Variants in MCC observed in about 807,000 individuals in gnomAD.
The protein encoded by MCC is MCC regulator of Wnt signaling pathway.
A neutral mutation model predicts 116.2 loss-of-function variants in MCC; 90 were observed. That is an observed-to-expected ratio of 0.77 (90% CI 0.65 to 0.92). MCC has a LOEUF of 0.92. Ranked by LOEUF, MCC falls within the 40% of genes least tolerant of loss-of-function variation. The pLI, the probability that MCC is intolerant of heterozygous loss-of-function variation, is 0.00. For synonymous variants in MCC, 578 were observed against 510.5 expected, an observed-to-expected ratio of 1.13 and a Z score of -1.78; for missense variants, 1,516 against 1,312.2, an observed-to-expected ratio of 1.16 and a Z score of -2.40.
intron 1 of MCC, among the ~76,000 whole-genome samples, chr5:113,417,754 C>T (rs371511473): frequency 1.3e-5 from 2 of 152,140 alleles, no homozygotes; most frequent in African/African-American, 4.8e-5. Context: ...CATGGTGAAA[C>T]CCTGTCTCTA....
chr5:113,368,595 T>C (rs1361209494), intron 2 of MCC, among the ~76,000 whole-genome samples: 1 of 152,178 alleles, frequency 6.6e-6, no homozygotes, highest in Non-Finnish European at 1.5e-5. Context: ...TTTATCATTA[T>C]GATATTCTCC....
chr5:113,443,562 T>A (rs1307580180), intron 1 of MCC, among the ~76,000 whole-genome samples: 2 of 152,172 alleles, frequency 1.3e-5, no homozygotes, highest in Non-Finnish European at 2.9e-5. Context: ...GAGGGCATCC[T>A]TGTCTTATGC....
At chr5:113,278,390 C>G (rs1022920599) in intron 3 of MCC, among the ~76,000 whole-genome samples, 1 of 152,164 alleles carries the variant, frequency 6.6e-6, no homozygotes, top group Admixed American at 6.5e-5. Context: ...TGGTGAATAA[C>G]AGCCATTGTG....
chr5:113,134,863 G>A (rs907245751), intron 5 of MCC, among the ~76,000 whole-genome samples: 1 of 151,548 alleles, frequency 6.6e-6, no homozygotes, highest in African/African-American at 2.4e-5. Flanking sequence ...CCATAAGCAT[G>A]GGGATCTTTC....
At chr5:113,167,694 C>T (rs1581190520) in intron 3 of MCC, among the ~76,000 whole-genome samples, 1 of 152,196 alleles carries the variant, frequency 6.6e-6, no homozygotes, top group East Asian at 1.9e-4. Context: ...GCAGTGGCAT[C>T]ATCAAGGCTC....
At chr5:113,411,412 G>A (rs1193083406) in intron 1 of MCC, among the ~76,000 whole-genome samples, 1 of 152,278 alleles carries the variant, frequency 6.6e-6, no homozygotes, top group South Asian at 2.1e-4. Flanking sequence ...CTTCTTTTGA[G>A]AAGTGTCTGT....
At chr5:113,133,157 A>G (rs1044276829) in intron 5 of MCC, among the ~76,000 whole-genome samples, 3 of 152,194 alleles carry the variant, frequency 2.0e-5, no homozygotes, top group Non-Finnish European at 4.4e-5. Flanking sequence ...GGGAACATTC[A>G]AATTATTCTC....
At chr5:113,404,568 G>C (rs985893618) in intron 1 of MCC, among the ~76,000 whole-genome samples, 49 of 152,150 alleles carry the variant, frequency 3.2e-4, no homozygotes, top group Non-Finnish European at 7.4e-5. Flanking sequence ...AATTGTACTT[G>C]CTTTTCTTTT....
At chr5:113,115,637 T>C (rs1757350797) in intron 6 of MCC, among the ~76,000 whole-genome samples, 2 of 152,040 alleles carry the variant, frequency 1.3e-5, no homozygotes, top group African/African-American at 4.8e-5. Context: ...ACATAACTCC[T>C]AGTCATCCAC....
chr5:113,075,177 C>T (rs971842907), intron 11 of MCC, among the ~76,000 whole-genome samples: 4 of 152,354 alleles, frequency 2.6e-5, no homozygotes, highest in South Asian at 2.1e-4. Flanking sequence ...GCTTAGCACC[C>T]GGGCCAGCAG....
chr5:113,448,925 G>C (rs75695353), intron 1 of MCC, among the ~76,000 whole-genome samples: 5,016 of 152,280 alleles, frequency 0.033, 259 homozygotes, highest in African/African-American at 0.11. Context: ...AAGAAGGTTT[G>C]AAATGTGGAT....
At chr5:113,355,942 A>G (rs1768400272) in intron 2 of MCC, among the ~76,000 whole-genome samples, 1 of 152,158 alleles carries the variant, frequency 6.6e-6, no homozygotes, top group African/African-American at 2.4e-5. Context: ...CATCCCTGTA[A>G]GTAGACATCC....
At chr5:113,066,455 T>A (rs966620905) in intron 13 of MCC, among the ~76,000 whole-genome samples, 3 of 151,816 alleles carry the variant, frequency 2.0e-5, no homozygotes, top group Admixed American at 1.3e-4. Context: ...GCTGGCAGAG[T>A]TTCTACTTCT....
intron 1 of MCC, among the ~76,000 whole-genome samples, chr5:113,466,147 G>A (rs1241478061): frequency 1.3e-5 from 2 of 150,248 alleles, no homozygotes; most frequent in African/African-American, 4.9e-5. Flanking sequence ...GATCTAGGAG[G>A]GTAGGTGAAG....
Position 113,029,034 on chromosome 5 carries a change from C to T in MCC, c.2779G>A (p.Val927Ile), listed in dbSNP as rs1405321948. 6 of 1,613,114 alleles carry T rather than the reference C, an allele frequency of 3.7e-6. No individual in the cohort carries two copies. The highest frequency in any genetic ancestry group is 8.5e-7 in the Non-Finnish European group (1 of 1,179,560). Residue 927 changes from valine (V) to isoleucine (I), a missense_variant, in exon 18 of 19, where the codon GTT (valine) becomes ATT (isoleucine). Val to Ile is a conservative substitution (Grantham distance 29). Coordinates refer to ENST00000408903, the MANE Select transcript of MCC (RefSeq NM_001085377.2). ...IRREKKLKARVQELVSALERL... is the reference protein window; with the variant it reads ...IRREKKLKARIQELVSALERL... ...TCCAAGGCACTCACCAGCTCTTGAA[C>T]TCTGGCCTTCAACTTCTTTTCTCTA...
intron 17 of MCC, among the ~76,000 whole-genome samples, chr5:113,032,562 G>A (rs1751032507): frequency 6.6e-6 from 1 of 152,106 alleles, no homozygotes; most frequent in African/African-American, 2.4e-5. Context: ...CCTTGCATTT[G>A]TGGATCATAT....
intron 3 of MCC, among the ~76,000 whole-genome samples, chr5:113,183,043 G>C (rs1761710667): frequency 6.6e-6 from 1 of 152,226 alleles, no homozygotes; most frequent in Non-Finnish European, 1.5e-5. Context: ...ATGAGAGCTG[G>C]GGAGGGTGTC....
chr5:113,444,508 C>CTA (rs1491114130), intron 1 of MCC, among the ~76,000 whole-genome samples: 3 of 152,146 alleles, frequency 2.0e-5, no homozygotes, highest in Non-Finnish European at 4.4e-5. Context: ...TCCTTCTAAA[C>CTA]TATATATATC....
chr5:113,049,849 C>G (rs565453666), intron 15 of MCC, among the ~76,000 whole-genome samples: 1 of 152,224 alleles, frequency 6.6e-6, no homozygotes, highest in Non-Finnish European at 1.5e-5. Context: ...ACCTCCAGCT[C>G]TTGCCTACTT....
Sources: allele counts gnomAD v4.1 joint callset (sites outside exome capture counted in the v4.1 genomes callset), GRCh38; gene constraint gnomAD v4.1.1; transcripts MANE v1.5; gene names NCBI Gene and HGNC (gene_info 2026-07-23, HGNC 2026-07-21).